CRACD: variants seen among roughly 807,000 people sequenced by gnomAD.
CRACD encodes the protein capping protein inhibiting regulator of actin dynamics.
CRACD carries 56 observed loss-of-function variants against 106.8 expected under a neutral mutation model. The ratio of observed to expected loss-of-function variants is 0.52; its 90% CI spans 0.42 to 0.66. The LOEUF (loss-of-function observed/expected upper bound fraction) is 0.66. Among genes scored for constraint, CRACD ranks in the 30% least tolerant of loss-of-function variants. The probability of loss-of-function intolerance (pLI) is 0.00; values close to 1 mark genes in which losing one functional copy is unlikely to be tolerated. For missense variants in CRACD, 1,730 were observed against 1,623.2 expected, an observed-to-expected ratio of 1.07 and a Z score of -1.13; for synonymous variants, 754 against 670.8, an observed-to-expected ratio of 1.12 and a Z score of -1.92.
chr4:56,142,216 G>T (rs1297862789), intron 1 of CRACD, among the ~76,000 whole-genome samples: 1 of 151,990 alleles, frequency 6.6e-6, no homozygotes, highest in Non-Finnish European at 1.5e-5. Flanking sequence ...AAACCATTTT[G>T]CTTTCTAATA....
chr4:56,096,808 T>C (rs1733615340), intron 1 of CRACD, among the ~76,000 whole-genome samples: 1 of 151,992 alleles, frequency 6.6e-6, no homozygotes, highest in Admixed American at 6.6e-5. Context: ...TTAGCTTAAG[T>C]GATAATAGAA....
chr4:56,285,946 C>T (rs1003797129), intron 3 of CRACD, among the ~76,000 whole-genome samples: 2 of 152,114 alleles, frequency 1.3e-5, no homozygotes, highest in Non-Finnish European at 2.9e-5. Context: ...GTAATCCCTA[C>T]ACTACACAAC....
intron 2 of CRACD, among the ~76,000 whole-genome samples, chr4:56,187,886 G>A (rs1345056208): frequency 6.6e-6 from 1 of 152,000 alleles, no homozygotes; most frequent in Non-Finnish European, 1.5e-5. Context: ...AAGTCAGCAT[G>A]GAAAATGTCC....
At chr4:56,222,672 G>C (rs555422295) in intron 2 of CRACD, among the ~76,000 whole-genome samples, 2 of 152,184 alleles carry the variant, frequency 1.3e-5, no homozygotes, top group Non-Finnish European at 2.9e-5. Context: ...AGGGCCAGGC[G>C]TGGTGAGTCA....
At chr4:56,055,136 G>T (rs77113086) in intron 1 of CRACD, among the ~76,000 whole-genome samples, 1 of 152,084 alleles carries the variant, frequency 6.6e-6, no homozygotes, top group Non-Finnish European at 1.5e-5. Flanking sequence ...GGAAGGACAA[G>T]TTGCTAAAAA....
chr4:56,270,855 A>G (rs1281033428), intron 2 of CRACD, among the ~76,000 whole-genome samples: 1 of 151,898 alleles, frequency 6.6e-6, no homozygotes, highest in Non-Finnish European at 1.5e-5. Flanking sequence ...GCCAAGGCGG[A>G]CGGATCATTT....
intron 1 of CRACD, among the ~76,000 whole-genome samples, chr4:56,150,098 C>T (rs896087552): frequency 2.0e-5 from 3 of 152,324 alleles, no homozygotes; most frequent in African/African-American, 7.2e-5. Flanking sequence ...CTGAAGCACA[C>T]ATTGAAACAT....
intron 2 of CRACD, among the ~76,000 whole-genome samples, chr4:56,235,354 T>G (rs1032964005): frequency 5.3e-5 from 8 of 152,240 alleles, no homozygotes; most frequent in Admixed American, 2.0e-4. Context: ...TTTTGTGAGA[T>G]GTCTACGGGA....
In CRACD at chr4:56,314,666, G is replaced by C; in HGVS notation, c.1164G>C (p.Glu388Asp). ...EVQGPPEALE[E>D]TGEGRRGAEE... ...AGGGGCCGCCCGAGGCGTTGGAGGA[G>C]ACTGGGGAGGGCCGGCGGGGCGCGG... The change falls in exon 8 of 11, where the codon GAG (glutamate) becomes GAC (aspartate). Residue 388 changes from glutamate (E) to aspartate (D), a missense_variant. Glu to Asp is a conservative substitution (Grantham distance 45, BLOSUM62 2). Coordinates refer to ENST00000682029, the MANE Select transcript of CRACD (RefSeq NM_001393381.1). The surrounding 1 kb of genome is among the most constrained non-coding windows in gnomAD (Gnocchi z 4.4). 6.5e-7 allele frequency: 1 copy of C among 1,550,162 alleles called. No individual in the cohort carries two copies. The highest frequency in any genetic ancestry group is 8.7e-7 in the Non-Finnish European group (1 of 1,146,732).
rs775391262 is a variant in CRACD, at chr4:56,182,433, C to CAAA, written c.-189+3013_-189+3015dup. Reference sequence around the variant, plus strand: ...TCCAAAACACACAACAACAAAGAAACAAAAAAAAAAAACCAGCCAGGTCTA... The same window carrying CAAA: ...TCCAAAACACACAACAACAAAGAAACAAAAAAAAAAAAAAACCAGCCAGGTCTA... On this transcript the variant is annotated intron_variant, in intron 2 of 10. Coordinates refer to ENST00000682029, the MANE Select transcript of CRACD (RefSeq NM_001393381.1). Among the ~76,000 whole-genome samples, 322 of 140,274 alleles carry CAAA rather than the reference C, an allele frequency of 2.3e-3. 1 individual carries two copies. The highest frequency in any genetic ancestry group is 7.9e-3 in the African/African-American group (305 of 38,400). 92.0% of individuals were successfully genotyped at this position (140,274 alleles called of 152,430 possible). A position where few individuals can be genotyped will look rare whatever the true frequency, so the allele number is the denominator to read the frequency against.
chr4:56,250,034 C>A (rs946954730), intron 2 of CRACD, among the ~76,000 whole-genome samples: 1 of 152,146 alleles, frequency 6.6e-6, no homozygotes, highest in Non-Finnish European at 1.5e-5. Context: ...ATTCCATCTT[C>A]GAAGTAAATC....
At chr4:56,072,809 T>C (rs772044264) in intron 1 of CRACD, among the ~76,000 whole-genome samples, 317 of 152,238 alleles carry the variant, frequency 2.1e-3, no homozygotes, top group Admixed American at 5.0e-3. Flanking sequence ...CCTGTACTCA[T>C]ATGTTCTCAT....
At chr4:56,321,401 T>C (rs1746099227) in intron 8 of CRACD, 1 of 153,268 alleles carries the variant, frequency 6.5e-6, no homozygotes, top group Admixed American at 6.5e-5. Context: ...TCATTACTAA[T>C]ACTTAAAGGC....
intron 5 of CRACD, among the ~76,000 whole-genome samples, chr4:56,308,230 C>T (rs1018297262): frequency 1.3e-5 from 2 of 152,106 alleles, no homozygotes; most frequent in Admixed American, 1.3e-4. Context: ...TGCGTAGGGG[C>T]TCCATGAGAT....
intron 2 of CRACD, among the ~76,000 whole-genome samples, chr4:56,260,492 A>T (rs1015677790): frequency 5.9e-5 from 9 of 152,182 alleles, no homozygotes; most frequent in African/African-American, 2.4e-5. Context: ...GAGTGTGATG[A>T]TCTTTTCGAT....
chr4:56,245,995 G>A (rs772434289), intron 2 of CRACD, among the ~76,000 whole-genome samples: 38 of 152,172 alleles, frequency 2.5e-4, no homozygotes, highest in Non-Finnish European at 4.6e-4. Flanking sequence ...AAGAAGGATT[G>A]TCTGGCATTT....
intron 1 of CRACD, 143 bp from the exon 2 acceptor site, chr4:56,179,141 C>T (rs571869246): frequency 6.8e-6 from 1 of 146,836 alleles, no homozygotes; most frequent in Non-Finnish European, 1.5e-5. Flanking sequence ...TGTTGGTAAA[C>T]CTAATTGGAA....
chr4:56,305,314 C>A (rs1744619318), intron 4 of CRACD, among the ~76,000 whole-genome samples: 1 of 152,198 alleles, frequency 6.6e-6, no homozygotes, highest in Admixed American at 6.5e-5. Flanking sequence ...GGACATGTCT[C>A]AATCTAAGGG....
intron 2 of CRACD, among the ~76,000 whole-genome samples, chr4:56,214,788 A>C (rs1738597714): frequency 6.6e-6 from 1 of 151,446 alleles, no homozygotes; most frequent in African/African-American, 2.4e-5. Flanking sequence ...CAAGGTAGGC[A>C]AATCATGAGG....
Sources: gnomAD v4.1 joint callset for allele counts (sites outside exome capture counted in the v4.1 genomes callset) on GRCh38, gnomAD v4.1.1 for gene constraint, Gnocchi (gnomAD v3.1) non-coding constraint, MANE v1.5 for transcripts, NCBI Gene and HGNC (gene_info 2026-07-23, HGNC 2026-07-21) for gene names.